Variants in ZNF397 observed in about 807,000 individuals in gnomAD.
ZNF397 encodes the protein zinc finger protein 397, also known as zinc finger and SCAN domain-containing protein 15.
A neutral mutation model predicts 50.6 loss-of-function variants in ZNF397; 38 were observed. The ratio of observed to expected loss-of-function variants is 0.75; its 90% CI spans 0.58 to 0.98. The LOEUF (loss-of-function observed/expected upper bound fraction) is 0.98, where lower values mean the gene tolerates loss of function less well. Ranked by LOEUF, ZNF397 falls within the 50% of genes least tolerant of loss-of-function variation. The probability of loss-of-function intolerance (pLI) is 0.00; values close to 1 mark genes in which losing one functional copy is unlikely to be tolerated. For missense variants in ZNF397, 624 were observed against 624.1 expected, an observed-to-expected ratio of 1.00 and a Z score of 0.00; for synonymous variants, 228 against 215.2, an observed-to-expected ratio of 1.06 and a Z score of -0.52.
downstream of ZNF397, among the ~76,000 whole-genome samples, chr18:35,250,276 T>G (rs902940545): frequency 1.5e-4 from 23 of 152,192 alleles, no homozygotes; most frequent in African/African-American, 5.3e-4. Flanking sequence ...AAGGAGCTGA[T>G]GTAGATGATC....
In ZNF397 at chr18:35,247,425, C is replaced by T. The variant is rs1447708977; in HGVS notation, c.*1115C>T. The T allele has an allele frequency of 6.6e-6, 1 of 152,286 alleles. No homozygotes were observed. Among genetic ancestry groups the T allele is most frequent in the Non-Finnish European group, 1.5e-5 (1 of 68,124 alleles). 9.4% of individuals were successfully genotyped at this position (152,286 alleles called of 1,614,324 possible). On this transcript the variant is annotated 3_prime_UTR_variant, in exon 4 of 4. Transcript: ENST00000330501. ...TGCTAGAGTGTTAAGACTCTATTCT[C>T]CTTTGATTCTAAAGACAATATCAGA...
At chr18:35,253,019 A>C (rs984503246), downstream of ZNF397, 4 of 157,874 alleles carry the variant, frequency 2.5e-5, no homozygotes, top group African/African-American at 9.6e-5. Flanking sequence ...AGATAGTTGA[A>C]TAACTCTCAG....
chr18:35,242,808 A>G lies in ZNF397; in HGVS notation c.338A>G (p.His113Arg). Residue 113 changes from histidine (H) to arginine (R), a missense_variant, in exon 2 of 4, where the codon CAT becomes CGT. Coordinates refer to ENST00000330501, the MANE Select transcript of ZNF397 (RefSeq NM_001135178.3). ...PEELQIWVQQ[H>R]NPESGEEAVT... is the part of the protein sequence containing the mutation. ...GAGCTGCAGATCTGGGTTCAGCAACATAATCCAGAAAGCGGCGAGGAAGCT... is the reference window on the plus strand; with the variant it reads ...GAGCTGCAGATCTGGGTTCAGCAACGTAATCCAGAAAGCGGCGAGGAAGCT... 2.5e-6 allele frequency: 4 copies of G among 1,614,212 alleles called. No homozygotes were observed. The highest frequency in any genetic ancestry group is 3.4e-6 in the Non-Finnish European group (4 of 1,180,038).
At chr18:35,253,423 A>G, downstream of ZNF397, 1 of 1,523,624 alleles carries the variant, frequency 6.6e-7, no homozygotes, top group Non-Finnish European at 8.8e-7. Context: ...CTTGCATTTC[A>G]CAATTGTACA....
intron 3 of ZNF397, among the ~76,000 whole-genome samples, chr18:35,244,615 T>C (rs574468334): frequency 1.3e-5 from 2 of 152,238 alleles, no homozygotes; most frequent in African/African-American, 4.8e-5. Flanking sequence ...CAGGCTAATA[T>C]CACTGGAAGA....
chr18:35,243,309 T>G lies in ZNF397; in HGVS notation c.556+16T>G. 6.2e-7 allele frequency: 1 copy of G among 1,614,168 alleles called. No homozygotes were observed. The highest frequency in any genetic ancestry group is 8.5e-7 in the Non-Finnish European group (1 of 1,180,036). On this transcript the variant is annotated intron_variant, in intron 3 of 3. Coordinates refer to ENST00000330501, the MANE Select transcript of ZNF397 (RefSeq NM_001135178.3). Reference sequence around the variant, plus strand: ...CCTAAAAGTGGTGAGGAATGGGAAATCATCTGGAAACTCTTGACACTTAGG... The same window carrying G: ...CCTAAAAGTGGTGAGGAATGGGAAAGCATCTGGAAACTCTTGACACTTAGG...
chr18:35,257,763 T>C (rs1167284526), intron 5 of ZNF397, among the ~76,000 whole-genome samples: 1 of 152,192 alleles, frequency 6.6e-6, no homozygotes, highest in East Asian at 1.9e-4. Flanking sequence ...ACTTCCACCT[T>C]CATTGCCCCA....
rs35303747 is a variant in ZNF397, at chr18:35,249,652, CAAAAAAAAAAA to C, written c.*3358_*3368del. 3.9e-5 allele frequency: 1 copy of C among 25,634 alleles called. No individual in the cohort carries two copies. Among genetic ancestry groups the C allele is most frequent in the African/African-American group, 1.3e-4 (1 of 7,428 alleles). The allele number at this position is 25,634 out of a possible 1,614,324, so 1.6% of individuals were successfully genotyped here. A position where few individuals can be genotyped will look rare whatever the true frequency, so the allele number is the denominator to read the frequency against. On this transcript the variant is annotated 3_prime_UTR_variant, in exon 4 of 4. Transcript: ENST00000330501. Reference sequence around the variant, plus strand: ...TGGGTGACAGAGTGAGACTGTGTCTCAAAAAAAAAAAAAAAAAAAAAAAAAACACTGATGTC... The same window carrying C: ...TGGGTGACAGAGTGAGACTGTGTCTCAAAAAAAAAAAAAAACACTGATGTC...
At position 35,245,261 on chromosome 18, in the gene ZNF397, G is replaced by A; in HGVS notation, c.557-1G>A. 1 of 1,585,118 alleles carries A rather than the reference G, an allele frequency of 6.3e-7. No individual in the cohort carries two copies. The highest frequency in any genetic ancestry group is 8.6e-7 in the Non-Finnish European group (1 of 1,164,654). ...TGTTTTTTTGCTACTTATTGTTTCA[G>A]ATTGTGAGAACAGTGAAACAGCAAC... On this transcript the variant is annotated splice_acceptor_variant, in intron 3 of 3. Transcript: ENST00000330501. LOFTEE classifies it high-confidence loss of function.
At chr18:35,251,105 C>A (rs2043575992), downstream of ZNF397, 1 of 152,134 alleles carries the variant, frequency 6.6e-6, no homozygotes, top group Non-Finnish European at 1.5e-5. Context: ...GCATTACATT[C>A]TAATAATAAA....
chr18:35,248,927 G>A lies in ZNF397; in HGVS notation c.*2617G>A, dbSNP rs2143617801. ...ATTATTGTTATTTCTCAGCACGTAT[G>A]TAGCAGATGAGGAAATGAAGGCTAA... On this transcript the variant is annotated 3_prime_UTR_variant, in exon 4 of 4. Transcript: ENST00000330501. The A allele has an allele frequency of 6.6e-6, 1 of 152,278 alleles. No homozygotes were observed. The highest frequency in any genetic ancestry group is 3.4e-3 in the Middle Eastern group (1 of 294). 9.4% of individuals were successfully genotyped at this position (152,278 alleles called of 1,614,324 possible).
Position 35,242,388 on chromosome 18 carries a change from C to T in ZNF397, c.-80-3C>T, listed in dbSNP as rs73426512. 199,854 of 1,374,798 alleles carry T rather than the reference C, an allele frequency of 0.15. 15,525 individuals are homozygous for T. Among genetic ancestry groups the T allele is most frequent in the South Asian group, 0.18 (12,542 of 69,550 alleles). The allele number at this position is 1,374,798 out of a possible 1,614,324, so 85.2% of individuals were successfully genotyped here. On this transcript the variant is annotated splice_polypyrimidine_tract_variant and splice_region_variant and intron_variant, in intron 1 of 3. Transcript: ENST00000330501. ...GTAAGTTAACTGCTTTTATATCCTT[C>T]AGGAAAGAAGAGATTACTCACACTC... is the stretch of plus-strand genomic sequence containing the variant.
exon 6 of ZNF397, chr18:35,258,109 T>G: frequency 1.4e-6 from 1 of 695,672 alleles, no homozygotes. Context: ...TCCAACAATT[T>G]AAACCTCATG....
downstream of ZNF397, chr18:35,254,081 T>C: frequency 4.3e-6 from 7 of 1,614,168 alleles, no homozygotes; most frequent in Non-Finnish European, 5.9e-6. Flanking sequence ...ATCATTTGAA[T>C]TCATACTGAA....
chr18:35,259,038 G>A (rs1346185929), downstream of ZNF397: 1 of 154,048 alleles, frequency 6.5e-6, no homozygotes, highest in Non-Finnish European at 1.5e-5. Context: ...TTTTAATATA[G>A]TATGTTTACT....
downstream of ZNF397, chr18:35,251,380 C>G (rs1427801293): frequency 6.6e-6 from 1 of 152,142 alleles, no homozygotes; most frequent in East Asian, 1.9e-4. Context: ...TAGGAAAAGG[C>G]AACTCACTAT....
chr18:35,253,841 G>C, downstream of ZNF397: 1 of 1,614,110 alleles, frequency 6.2e-7, no homozygotes, highest in Non-Finnish European at 8.5e-7. Flanking sequence ...GCCCCTGAAG[G>C]CTTTTCCACA....
At chr18:35,253,661 C>T, downstream of ZNF397, 1 of 1,614,120 alleles carries the variant, frequency 6.2e-7, no homozygotes, top group East Asian at 2.2e-5. Context: ...AAGGATAGAA[C>T]TCCTACCAAA....
rs753687715 is a variant in ZNF397 at position 35,242,629 on chromosome 18, C to G, written c.159C>G (p.Phe53Leu). 28 of 1,614,108 alleles carry G rather than the reference C, an allele frequency of 1.7e-5. 1 individual carries two copies. Among genetic ancestry groups the G allele is most frequent in the Non-Finnish European group, 2.4e-5 (28 of 1,180,050 alleles). Residue 53 changes from phenylalanine (F) to leucine (L), a missense_variant, in exon 2 of 4, where the codon TTC becomes TTG. By Grantham distance (22) the Phe-to-Leu change is conservative. Transcript: ENST00000330501. ...QSCQELFRQQ[F>L]RKFCYQETPG... Reference sequence around the variant, plus strand: ...GCCAAGAATTGTTTCGTCAGCAATTCAGAAAATTTTGCTACCAGGAGACAC... The same window carrying G: ...GCCAAGAATTGTTTCGTCAGCAATTGAGAAAATTTTGCTACCAGGAGACAC...
Sources: gnomAD v4.1 joint callset for allele counts (sites outside exome capture counted in the v4.1 genomes callset) on GRCh38, gnomAD v4.1.1 for gene constraint, MANE v1.5 for transcripts, NCBI Gene and HGNC (gene_info 2026-07-23, HGNC 2026-07-21) for gene names.